Variants in RANBP2 observed in about 807,000 individuals in gnomAD.
RANBP2 encodes RAN binding protein 2.
Under a neutral mutation model 303.6 loss-of-function variants are expected in RANBP2, and 57 were observed. That is an observed-to-expected ratio of 0.19 (90% CI 0.15 to 0.23). The LOEUF (loss-of-function observed/expected upper bound fraction) is 0.23, where lower values mean the gene tolerates loss of function less well. RANBP2 is among the 10% of genes least tolerant of loss of function. The probability of loss-of-function intolerance (pLI) is 1.00; values close to 1 mark genes in which losing one functional copy is unlikely to be tolerated. For missense variants in RANBP2, 3,138 were observed against 3,780.8 expected, an observed-to-expected ratio of 0.83 and a Z score of 4.46; for synonymous variants, 1,167 against 1,301.5, an observed-to-expected ratio of 0.90 and a Z score of 2.23.
the RANBP2 span, among the ~76,000 whole-genome samples, chr2:109,340,753 G>C: frequency 6.6e-6 from 1 of 152,176 alleles, no homozygotes; most frequent in East Asian, 1.9e-4. Flanking sequence ...AAGCACGGAA[G>C]GGCAGATTTG....
chr2:108,919,355 TTTTA>T, the RANBP2 span, among the ~76,000 whole-genome samples: 25 of 152,184 alleles, frequency 1.6e-4, no homozygotes, highest in Non-Finnish European at 1.2e-4. Context: ...TCTGACCGCT[TTTTA>T]TTTATTTATT....
At chr2:109,671,147 C>T in the RANBP2 span, among the ~76,000 whole-genome samples, 1 of 152,230 alleles carries the variant, frequency 6.6e-6, no homozygotes, top group African/African-American at 2.4e-5. Flanking sequence ...CACACTGCTG[C>T]TTCCTACCAG....
chr2:108,747,572 C>T (rs574583485), intron 8 of RANBP2, among the ~76,000 whole-genome samples: 1 of 152,140 alleles, frequency 6.6e-6, no homozygotes, highest in South Asian at 2.1e-4. Flanking sequence ...AAGTGACTTT[C>T]TACTTTTTTC....
At chr2:108,843,876 G>GTGTGTGTGTGTGTGTGTGTGTGTGTGTT in the RANBP2 span, among the ~76,000 whole-genome samples, 2 of 13,872 alleles carry the variant, frequency 1.4e-4, no homozygotes, top group East Asian at 6.3e-3. Flanking sequence ...GTGTGTGTGT[G>GTGTGTGTGTGTGTGTGTGTGTGTGTGTT]TGTTTCTTTC....
chr2:109,125,484 C>T, the RANBP2 span, among the ~76,000 whole-genome samples: 12 of 152,326 alleles, frequency 7.9e-5, no homozygotes, highest in African/African-American at 1.2e-4. Context: ...ATGAGGCCTC[C>T]GGATCCCTTA....
the RANBP2 span, among the ~76,000 whole-genome samples, chr2:109,173,435 CAT>C: frequency 2.0e-5 from 3 of 152,188 alleles, no homozygotes; most frequent in South Asian, 6.2e-4. Context: ...GGATAAATGA[CAT>C]AGTTCTTCAT....
At chr2:109,591,435 T>G in the RANBP2 span, among the ~76,000 whole-genome samples, 1 of 152,160 alleles carries the variant, frequency 6.6e-6, no homozygotes, top group South Asian at 2.1e-4. Context: ...GACTAGTCAC[T>G]AAAGATTACT....
chr2:109,324,171 T>C, the RANBP2 span, among the ~76,000 whole-genome samples: 1 of 152,232 alleles, frequency 6.6e-6, no homozygotes, highest in Admixed American at 6.5e-5. Flanking sequence ...TAATAATCCA[T>C]TGTGTGGCTA....
the RANBP2 span, among the ~76,000 whole-genome samples, chr2:109,398,415 C>G: frequency 0.046 from 7,032 of 152,208 alleles, 537 homozygotes; most frequent in African/African-American, 0.16. Flanking sequence ...CTCCAAAAAC[C>G]TTTTCAATAA....
At chr2:109,354,183 G>A in the RANBP2 span, among the ~76,000 whole-genome samples, 2 of 152,190 alleles carry the variant, frequency 1.3e-5, no homozygotes, top group East Asian at 1.9e-4. Context: ...TTCTCCCTGC[G>A]ACACAGAGTG....
the RANBP2 span, among the ~76,000 whole-genome samples, chr2:108,791,140 AATTT>A: frequency 9.9e-4 from 150 of 152,178 alleles, no homozygotes; most frequent in African/African-American, 3.4e-3. Context: ...ATATTTTTAA[AATTT>A]ATTTTTTTAA....
At chr2:108,783,058 G>T (rs1573859879) in intron 28 of RANBP2, among the ~76,000 whole-genome samples, 196 bp downstream of exon 28, 1 of 151,946 alleles carries the variant, frequency 6.6e-6, no homozygotes, top group East Asian at 1.9e-4. Flanking sequence ...AATAATTGAG[G>T]CTGGGCACAA....
chr2:109,142,645 C>T, the RANBP2 span, among the ~76,000 whole-genome samples: 1 of 152,198 alleles, frequency 6.6e-6, no homozygotes. Context: ...TGCTTGGCTG[C>T]ATCTTGGAGC....
the RANBP2 span, among the ~76,000 whole-genome samples, chr2:109,211,350 A>G: frequency 6.6e-6 from 1 of 152,246 alleles, no homozygotes; most frequent in African/African-American, 2.4e-5. Flanking sequence ...GGCAACAGTA[A>G]ACAGCAATTT....
intron 1 of RANBP2, 66 bp from the exon 2 acceptor site, chr2:108,729,066 T>G: frequency 6.6e-7 from 1 of 1,509,464 alleles, no homozygotes; most frequent in Non-Finnish European, 9.0e-7. Flanking sequence ...AGATTTTTAC[T>G]ACTTTTGAAA....
chr2:108,860,935 C>CTTTTTTTT, the RANBP2 span, among the ~76,000 whole-genome samples: 11,501 of 37,840 alleles, frequency 0.3, 4,632 homozygotes, highest in East Asian at 0.46. Context: ...TGGTCCAGGA[C>CTTTTTTTT]TTTTTTTTTT....
chr2:108,949,155 A>T, the RANBP2 span, among the ~76,000 whole-genome samples: 4 of 151,682 alleles, frequency 2.6e-5, no homozygotes, highest in South Asian at 8.3e-4. Context: ...TTTTTTTTGT[A>T]GTTTTTTGTA....
At chr2:108,730,541 T>G (rs1463797829) in intron 2 of RANBP2, among the ~76,000 whole-genome samples, 1 of 152,168 alleles carries the variant, frequency 6.6e-6, no homozygotes, top group African/African-American at 2.4e-5. Context: ...GAGAAAAATT[T>G]GGTAAATGTG....
chr2:109,349,875 C>T, the RANBP2 span, among the ~76,000 whole-genome samples: 4 of 152,226 alleles, frequency 2.6e-5, no homozygotes, highest in Non-Finnish European at 5.9e-5. Context: ...AAGGCTAGAG[C>T]CCACTGGACA....
Sources: allele counts gnomAD v4.1 joint callset (sites outside exome capture counted in the v4.1 genomes callset), GRCh38; gene constraint gnomAD v4.1.1; transcripts MANE v1.5; gene names NCBI Gene and HGNC (gene_info 2026-07-23, HGNC 2026-07-21).